The following FILIP1L variants were observed in gnomAD, a reference collection of about 807,000 sequenced individuals.
FILIP1L encodes filamin A-interacting protein 1-like.
In FILIP1L, 55 loss-of-function variants were observed where a neutral mutation model predicts 96.6. The observed-to-expected ratio is 0.57, with a 90% CI of 0.46 to 0.71. The LOEUF (loss-of-function observed/expected upper bound fraction) is 0.71. FILIP1L is among the 30% of genes least tolerant of loss of function. FILIP1L has a pLI of 0.00. For missense variants in FILIP1L, 1,304 were observed against 1,321.2 expected (o/e 0.99, Z 0.20); for synonymous variants, 467 against 473.9 (o/e 0.99, Z 0.19).
In FILIP1L at chr3:99,851,038, G is replaced by T. The variant is rs1454279677; in HGVS notation, c.638C>A (p.Ser213Tyr). The change falls in exon 5 of 6, where the codon TCT becomes TAT. Residue 213 changes from serine to tyrosine, a missense_variant. Coordinates refer to ENST00000477258, the MANE Select transcript of FILIP1L (RefSeq NM_001387850.1). ...CTTTTCTTGCTCCTTCTCCTCCTGA[G>T]ACTTGATTTCTTGATCAATTAGCTT... The part of the protein sequence containing the change: ...LKKLIDQEIK[S>Y]QEEKEQEKEK... 1 of 1,597,272 alleles carries T rather than the reference G, an allele frequency of 6.3e-7. No homozygotes were observed. The highest frequency in any genetic ancestry group is 8.5e-7 in the Non-Finnish European group (1 of 1,175,526).
rs114628704 is a variant in FILIP1L at position 99,947,404 on chromosome 3, A to G, written c.-10-16374T>C. 4.5e-3 allele frequency among the ~76,000 whole-genome samples: 683 copies of G among 152,288 alleles called. 6 individuals carry two copies. Among genetic ancestry groups the G allele is most frequent in the African/African-American group, 0.016 (670 of 41,568 alleles). ...TCATTGTATGGAGGTGCCATTATTT[A>G]TGTAACCATTCTCCTATTATTGGAT... On this transcript the variant is annotated intron_variant, in intron 1 of 5. Coordinates refer to ENST00000477258, the MANE Select transcript of FILIP1L (RefSeq NM_001387850.1).
At chr3:99,999,076 C>T (rs991644385) in intron 1 of FILIP1L, among the ~76,000 whole-genome samples, 2 of 152,152 alleles carry the variant, frequency 1.3e-5, no homozygotes, top group Admixed American at 6.5e-5. Context: ...TACCTATATC[C>T]GTCATATATA....
chr3:100,057,336 T>C (rs2065481790), intron 1 of FILIP1L, among the ~76,000 whole-genome samples: 1 of 152,192 alleles, frequency 6.6e-6, no homozygotes, highest in African/African-American at 2.4e-5. Context: ...TAGGCCAAGC[T>C]TCTTGCCCGG....
At chr3:100,013,620 TA>T (rs1445550970) in intron 1 of FILIP1L, among the ~76,000 whole-genome samples, 22 of 152,192 alleles carry the variant, frequency 1.4e-4, no homozygotes, top group African/African-American at 5.3e-4. Flanking sequence ...TGAATGACCA[TA>T]TTCATTTTGT....
intron 1 of FILIP1L, among the ~76,000 whole-genome samples, chr3:100,086,679 G>T (rs2066015395): frequency 6.6e-6 from 1 of 152,184 alleles, no homozygotes; most frequent in South Asian, 2.1e-4. Context: ...TCATTGGAGA[G>T]TTGGGAGCAA....
chr3:99,879,378 G>A (rs1490909923), intron 4 of FILIP1L, among the ~76,000 whole-genome samples: 2 of 152,180 alleles, frequency 1.3e-5, no homozygotes, highest in African/African-American at 2.4e-5. Context: ...ACATTAACAG[G>A]TGTTATTAGT....
At chr3:99,996,210 C>G (rs991622246) in intron 1 of FILIP1L, among the ~76,000 whole-genome samples, 16 of 152,138 alleles carry the variant, frequency 1.1e-4, no homozygotes, top group African/African-American at 3.9e-4. Context: ...AATCATCTCT[C>G]TCAAGTTCAA....
At chr3:100,076,663 AT>A (rs1252103938) in intron 1 of FILIP1L, among the ~76,000 whole-genome samples, 3 of 152,090 alleles carry the variant, frequency 2.0e-5, no homozygotes, top group African/African-American at 7.2e-5. Flanking sequence ...TTTACTGTTC[AT>A]TTTTCTGATC....
chr3:100,090,842 C>T (rs1325101671), intron 1 of FILIP1L, among the ~76,000 whole-genome samples: 1 of 152,142 alleles, frequency 6.6e-6, no homozygotes, highest in East Asian at 1.9e-4. Flanking sequence ...CTCCTATCCT[C>T]CCTAGAGCTT....
At chr3:99,959,811 A>AT (rs1708440752) in intron 1 of FILIP1L, among the ~76,000 whole-genome samples, 3 of 152,128 alleles carry the variant, frequency 2.0e-5, no homozygotes, top group South Asian at 4.1e-4. Flanking sequence ...TACTAATGTA[A>AT]TTTTTTTAGA....
intron 1 of FILIP1L, among the ~76,000 whole-genome samples, chr3:100,086,160 G>A (rs902789960): frequency 3.3e-5 from 5 of 152,150 alleles, no homozygotes; most frequent in African/African-American, 7.2e-5. Flanking sequence ...GAACAGTTGC[G>A]TTTCCTTTCT....
chr3:99,870,349 G>A (rs1944728248), intron 4 of FILIP1L, among the ~76,000 whole-genome samples: 1 of 152,166 alleles, frequency 6.6e-6, no homozygotes, highest in African/African-American at 2.4e-5. Context: ...ATTCAGCAAG[G>A]TTGGCCATTG....
intron 1 of FILIP1L, among the ~76,000 whole-genome samples, chr3:100,052,812 T>C (rs1363999948): frequency 6.6e-6 from 1 of 152,206 alleles, no homozygotes; most frequent in Non-Finnish European, 1.5e-5. Flanking sequence ...TGATACAAGA[T>C]AAAGTTATAA....
Position 99,848,487 on chromosome 3 carries a change from G to A in FILIP1L, c.3189C>T (p.His1063=), listed in dbSNP as rs755559496. The change falls in exon 5 of 6, where the codon CAC becomes CAT. Residue 1063 remains histidine (H), a synonymous_variant. Coordinates refer to ENST00000477258, the MANE Select transcript of FILIP1L (RefSeq NM_001387850.1). The stretch of plus-strand genomic sequence containing the variant: ...GCATGTAAGGACTTCCTAAGTGAAT[G>A]TGGATTTTATTATCCTCAGTAGTTA... ...SVITTEDNKI[H]IHLGSPYMQA... The A allele has an allele frequency of 1.2e-6, 2 of 1,614,096 alleles. No individual in the cohort carries two copies. The highest frequency in any genetic ancestry group is 2.2e-5 in the East Asian group (1 of 44,898).
chr3:99,961,867 C>A (rs766719151), intron 1 of FILIP1L, among the ~76,000 whole-genome samples: 16 of 150,896 alleles, frequency 1.1e-4, no homozygotes, highest in Non-Finnish European at 2.1e-4. Context: ...AGAGCACAAA[C>A]CGGGTATGCA....
At chr3:99,877,936 C>A (rs556827341) in intron 4 of FILIP1L, among the ~76,000 whole-genome samples, 1 of 152,300 alleles carries the variant, frequency 6.6e-6, no homozygotes, top group South Asian at 2.1e-4. Flanking sequence ...ACATTTAACA[C>A]TACCATTTGT....
intron 1 of FILIP1L, among the ~76,000 whole-genome samples, chr3:100,067,164 CT>C (rs995339885): frequency 6.2e-5 from 8 of 129,954 alleles, no homozygotes; most frequent in African/African-American, 1.9e-4. Flanking sequence ...TGTTTTTGAT[CT>C]CGTTTGTTTG....
intron 1 of FILIP1L, among the ~76,000 whole-genome samples, chr3:100,025,921 G>A (rs1465747414): frequency 6.6e-6 from 1 of 152,134 alleles, no homozygotes; most frequent in Non-Finnish European, 1.5e-5. Flanking sequence ...CCTGGGCCTC[G>A]GAGCTCCCTT....
chr3:100,007,985 A>G (rs1710037036), intron 1 of FILIP1L, among the ~76,000 whole-genome samples: 1 of 152,152 alleles, frequency 6.6e-6, no homozygotes, highest in Admixed American at 6.5e-5. Flanking sequence ...CTCCCTGGGA[A>G]TTATAGGTTA....
Sources: allele counts gnomAD v4.1 joint callset (sites outside exome capture counted in the v4.1 genomes callset), GRCh38; gene constraint gnomAD v4.1.1; transcripts MANE v1.5; gene names NCBI Gene and HGNC (gene_info 2026-07-23, HGNC 2026-07-21).